KPNA1: variants seen among roughly 807,000 people sequenced by gnomAD.
The protein encoded by KPNA1 is importin subunit alpha-5.
Under a neutral mutation model 70.5 loss-of-function variants are expected in KPNA1, and 10 were observed. The ratio of observed to expected loss-of-function variants is 0.14; its 90% CI spans 0.09 to 0.24. KPNA1 has a LOEUF of 0.24. Among genes scored for constraint, KPNA1 ranks in the 10% least tolerant of loss-of-function variants. KPNA1 has a pLI of 1.00. For synonymous variants in KPNA1, 192 were observed against 221.9 expected (o/e 0.87, Z 1.20); for missense variants, 397 against 637.9 (o/e 0.62, Z 4.07).
At position 122,422,498 on chromosome 3, in the gene KPNA1, G is replaced by A. The variant is rs1335990334; in HGVS notation, c.*4487C>T. On this transcript the variant is annotated 3_prime_UTR_variant, in exon 14 of 14. Transcript: ENST00000344337. ...TAAGCCTGATTTCGTCATTTTAAGG[G>A]TGCTGATGGTAAGCAGGAGTCAGGA... 6.6e-6 allele frequency: 1 copy of A among 152,192 alleles called. No individual in the cohort carries two copies. The highest frequency in any genetic ancestry group is 1.9e-4 in the East Asian group (1 of 5,204). 9.4% of individuals were successfully genotyped at this position (152,192 alleles called of 1,614,324 possible). A position where few individuals can be genotyped will look rare whatever the true frequency, so the allele number is the denominator to read the frequency against.
intron 1 of KPNA1, among the ~76,000 whole-genome samples, chr3:122,500,325 T>C (rs2076813004): frequency 6.6e-6 from 1 of 152,124 alleles, no homozygotes; most frequent in Non-Finnish European, 1.5e-5. Flanking sequence ...TTTCACCATG[T>C]TGGCCAGGCT....
chr3:122,492,062 G>A lies in KPNA1; in HGVS notation c.129+4375C>T, dbSNP rs376852486. Among the ~76,000 whole-genome samples, 41 of 151,434 alleles carry A rather than the reference G, an allele frequency of 2.7e-4. 1 individual carries two copies. Among genetic ancestry groups the A allele is most frequent in the South Asian group, 2.1e-3 (10 of 4,774 alleles). On this transcript the variant is annotated intron_variant, in intron 2 of 13. Transcript: ENST00000344337. ...TTTTTAGTAGAGACGGGGTTTCACC[G>A]TGTTAGCCAGGATGGTCTCGATCTC...
chr3:122,436,649 GA>G (rs970870947), intron 11 of KPNA1, among the ~76,000 whole-genome samples: 2 of 152,124 alleles, frequency 1.3e-5, no homozygotes, highest in Admixed American at 6.5e-5. Context: ...AACGGCAACA[GA>G]AAAAATGAAG....
At chr3:122,511,895 A>C (rs926358988) in intron 1 of KPNA1, among the ~76,000 whole-genome samples, 33 of 152,238 alleles carry the variant, frequency 2.2e-4, no homozygotes, top group African/African-American at 7.7e-4. Flanking sequence ...TAAATCATTA[A>C]AACTCTATTT....
At chr3:122,432,519 A>T (rs1324795387) in intron 12 of KPNA1, 1 of 152,220 alleles carries the variant, frequency 6.6e-6, no homozygotes, top group Admixed American at 6.5e-5. Context: ...ACAAAGCAAC[A>T]ATGTAAGTAG....
chr3:122,426,866 G>A lies in KPNA1; in HGVS notation c.*119C>T, dbSNP rs1486636456. 1.3e-6 allele frequency: 1 copy of A among 758,752 alleles called. No homozygotes were observed. Among genetic ancestry groups the A allele is most frequent in the Non-Finnish European group, 2.1e-6 (1 of 473,780 alleles). The allele number at this position is 758,752 out of a possible 1,614,324, so 47.0% of individuals were successfully genotyped here. A position where few individuals can be genotyped will look rare whatever the true frequency, so the allele number is the denominator to read the frequency against. ...GCAGGTGCGCAAGGCAAGCAAATGA[G>A]CGCAAACAGTATTATGGAAAACATT... On this transcript the variant is annotated 3_prime_UTR_variant, in exon 14 of 14. Transcript: ENST00000344337.
At chr3:122,465,658 T>G (rs1466970777) in intron 3 of KPNA1, among the ~76,000 whole-genome samples, 1 of 152,192 alleles carries the variant, frequency 6.6e-6, no homozygotes, top group African/African-American at 2.4e-5. Flanking sequence ...TCCCAACACT[T>G]TGGGAAGCCA....
At chr3:122,451,865 A>G (rs940444931) in intron 7 of KPNA1, 111 bp downstream of exon 7, 1 of 771,438 alleles carries the variant, frequency 1.3e-6, no homozygotes. Context: ...GGAATTAAAA[A>G]TAACACTAGA....
intron 5 of KPNA1, among the ~76,000 whole-genome samples, chr3:122,460,904 C>G (rs1364739085): frequency 6.6e-6 from 1 of 152,174 alleles, no homozygotes; most frequent in East Asian, 1.9e-4. Flanking sequence ...AAAACTCCCT[C>G]AACACCAAAT....
rs2075779619 is a variant in KPNA1 at position 122,423,025 on chromosome 3, TTATAACCTGTA to T, written c.*3949_*3959del. ...TATTCTGATGTCCTGGTATCCATTG[TTATAACCTGTA>T]TATAACCTGTAATCCTGAACTGCTG... On this transcript the variant is annotated 3_prime_UTR_variant, in exon 14 of 14. Transcript: ENST00000344337. 1 of 152,346 alleles carries T rather than the reference TTATAACCTGTA, an allele frequency of 6.6e-6. No individual in the cohort carries two copies. Among genetic ancestry groups the T allele is most frequent in the South Asian group, 2.1e-4 (1 of 4,830 alleles). The allele number at this position is 152,346 out of a possible 1,614,324, so 9.4% of individuals were successfully genotyped here. A position where few individuals can be genotyped will look rare whatever the true frequency, so the allele number is the denominator to read the frequency against.
At position 122,460,673 on chromosome 3, in the gene KPNA1, A is replaced by T. The variant is rs997436999; in HGVS notation, c.432+551T>A. 1.2e-5 allele frequency: 10 copies of T among 865,490 alleles called. No homozygotes were observed. The African/African-American group carries it at 1.8e-4, about 16-fold the overall frequency. The allele number at this position is 865,490 out of a possible 1,614,324, so 53.6% of individuals were successfully genotyped here. A position where few individuals can be genotyped will look rare whatever the true frequency, so the allele number is the denominator to read the frequency against. The stretch of plus-strand genomic sequence containing the variant: ...GAAAAAAAAAAAAAAGAAAATTCTG[A>T]ATCCAGAGATTACAAAATTTCCTCT... On this transcript the variant is annotated intron_variant, in intron 5 of 13. Transcript: ENST00000344337.
chr3:122,462,356 G>A (rs2076333661), intron 4 of KPNA1, among the ~76,000 whole-genome samples: 1 of 152,098 alleles, frequency 6.6e-6, no homozygotes, highest in Non-Finnish European at 1.5e-5. Flanking sequence ...AGTTTAGTTT[G>A]CTGAAAATTC....
In KPNA1 at chr3:122,454,934, A is replaced by C. The variant is rs114787573; in HGVS notation, c.433-933T>G. ...TTGACTCTTTAGCTTAATATTGAGAAATCCAATAATGAACTCTTTTCTATT... is the reference window on the plus strand; with the variant it reads ...TTGACTCTTTAGCTTAATATTGAGACATCCAATAATGAACTCTTTTCTATT... On this transcript the variant is annotated intron_variant, in intron 5 of 13. Coordinates refer to ENST00000344337, the MANE Select transcript of KPNA1 (RefSeq NM_002264.4). Among the ~76,000 whole-genome samples the C allele has an allele frequency of 7.5e-3, 1,140 of 152,350 alleles. 6 individuals carry two copies. The highest frequency in any genetic ancestry group is 0.026 in the African/African-American group (1,090 of 41,578).
intron 12 of KPNA1, among the ~76,000 whole-genome samples, chr3:122,430,686 C>T (rs576982588): frequency 6.6e-6 from 1 of 152,094 alleles, no homozygotes; most frequent in South Asian, 2.1e-4. Flanking sequence ...AACACACCCG[C>T]ACAAAAACAG....
intron 1 of KPNA1, among the ~76,000 whole-genome samples, chr3:122,513,669 G>T (rs1559777207): frequency 6.6e-6 from 1 of 151,776 alleles, no homozygotes; most frequent in Non-Finnish European, 1.5e-5. Context: ...CAGGAGGGGG[G>T]AAATCACTTC....
At position 122,433,761 on chromosome 3, in the gene KPNA1, C is replaced by G. The variant is rs760775587; in HGVS notation, c.1150G>C (p.Ala384Pro). 6.2e-7 allele frequency: 1 copy of G among 1,610,592 alleles called. No homozygotes were observed. Among genetic ancestry groups the G allele is most frequent in the Non-Finnish European group, 8.5e-7 (1 of 1,178,794 alleles). ...QTVIDANIFP[A>P]LISILQTAEF... is the part of the protein sequence containing the mutation. The stretch of plus-strand genomic sequence containing the variant: ...GCAGTTTGTAAAATACTAATGAGGG[C>G]TGGGAAAATGTTGGCATCTATCACA... Residue 384 changes from alanine to proline, a missense_variant, in exon 12 of 14, where the codon GCC becomes CCC. Transcript: ENST00000344337.
rs753844419 is a variant in KPNA1, at chr3:122,449,731, G to A, written c.760C>T (p.Pro254Ser). 1.9e-6 allele frequency: 3 copies of A among 1,605,408 alleles called. No individual in the cohort carries two copies. In the South Asian group the frequency reaches 3.4e-5, roughly 18 times the overall value. The change falls in exon 9 of 14, where the codon CCA becomes TCA. Residue 254 changes from proline to serine, a missense_variant. By Grantham distance (74) the Pro-to-Ser change is moderately conservative. Coordinates refer to ENST00000344337, the MANE Select transcript of KPNA1 (RefSeq NM_002264.4). ...AACCAGGAAAGCACATTCAGACATG[G>A]AGAAACCTGTAAAAGGAAAATGATG... ...SPPPEFAKVS[P>S]CLNVLSWLLF...
At chr3:122,452,851 G>A (rs2076225330) in intron 6 of KPNA1, among the ~76,000 whole-genome samples, 1 of 152,130 alleles carries the variant, frequency 6.6e-6, no homozygotes, top group African/African-American at 2.4e-5. Flanking sequence ...AAGAAAAAAA[G>A]AGACAGAAAG....
intron 10 of KPNA1, 72 bp downstream of exon 10, chr3:122,441,966 T>C (rs1371455812): frequency 2.9e-6 from 3 of 1,048,874 alleles, no homozygotes; most frequent in Admixed American, 1.8e-5. Context: ...TAAAATACGA[T>C]AATAGAAACA....
Sources: gnomAD v4.1 joint callset for allele counts (sites outside exome capture counted in the v4.1 genomes callset) on GRCh38, gnomAD v4.1.1 for gene constraint, MANE v1.5 for transcripts, NCBI Gene and HGNC (gene_info 2026-07-23, HGNC 2026-07-21) for gene names.